The following LRFN5 variants were observed in gnomAD, a reference collection of about 807,000 sequenced individuals.
LRFN5 encodes leucine-rich repeat and fibronectin type-III domain-containing protein 5.
In LRFN5, 24 loss-of-function variants were observed where a neutral mutation model predicts 45.6. The observed-to-expected ratio is 0.53, with a 90% CI of 0.38 to 0.74. The LOEUF (loss-of-function observed/expected upper bound fraction) is 0.74, where lower values mean the gene tolerates loss of function less well. Among genes scored for constraint, LRFN5 ranks in the 30% least tolerant of loss-of-function variants. The pLI, the probability that LRFN5 is intolerant of heterozygous loss-of-function variation, is 0.00. For synonymous variants in LRFN5, 340 were observed against 313.8 expected (o/e 1.08, Z -0.88); for missense variants, 776 against 861.5 (o/e 0.90, Z 1.24).
At chr14:41,626,957 A>C (rs1458617136) in intron 1 of LRFN5, among the ~76,000 whole-genome samples, 1 of 152,144 alleles carries the variant, frequency 6.6e-6, no homozygotes, top group Non-Finnish European at 1.5e-5. Flanking sequence ...TTTATGTCAT[A>C]TTTAACAGAA....
chr14:41,616,264 C>A (rs569333534), intron 1 of LRFN5, among the ~76,000 whole-genome samples: 3 of 152,192 alleles, frequency 2.0e-5, no homozygotes, highest in African/African-American at 7.2e-5. Flanking sequence ...ACAAGAATGA[C>A]TCAAGCCCAT....
intron 1 of LRFN5, among the ~76,000 whole-genome samples, chr14:41,753,408 T>C (rs925160856): frequency 6.6e-6 from 1 of 152,174 alleles, no homozygotes; most frequent in Non-Finnish European, 1.5e-5. Context: ...GCATGGAATG[T>C]TCTTCCATTT....
chr14:41,647,199 T>G (rs1879859102), intron 1 of LRFN5, among the ~76,000 whole-genome samples: 1 of 152,166 alleles, frequency 6.6e-6, no homozygotes, highest in Admixed American at 6.5e-5. Flanking sequence ...TACATAGATT[T>G]TGATTCTGCA....
At chr14:41,724,485 A>C (rs886826603) in intron 1 of LRFN5, among the ~76,000 whole-genome samples, 2 of 152,174 alleles carry the variant, frequency 1.3e-5, no homozygotes, top group Non-Finnish European at 2.9e-5. Context: ...ATATATTCTA[A>C]AATGCTGCAC....
intron 1 of LRFN5, among the ~76,000 whole-genome samples, chr14:41,609,934 C>T (rs115895518): frequency 0.019 from 2,842 of 152,350 alleles, 84 homozygotes; most frequent in African/African-American, 0.064. Flanking sequence ...TGGCCGATAG[C>T]TGCTCTGCTT....
At chr14:41,723,872 T>G (rs563104749) in intron 1 of LRFN5, among the ~76,000 whole-genome samples, 10 of 152,322 alleles carry the variant, frequency 6.6e-5, no homozygotes, top group Admixed American at 1.3e-4. Context: ...AAAGAATGAC[T>G]GACTTTGTAT....
intron 1 of LRFN5, among the ~76,000 whole-genome samples, chr14:41,629,060 C>T (rs114252417): frequency 6.6e-6 from 1 of 152,214 alleles, no homozygotes; most frequent in African/African-American, 2.4e-5. Context: ...ATTTATAGAT[C>T]TATATAGATA....
intron 1 of LRFN5, among the ~76,000 whole-genome samples, chr14:41,652,586 CT>C (rs1880180905): frequency 6.6e-6 from 1 of 151,896 alleles, no homozygotes; most frequent in Non-Finnish European, 1.5e-5. Flanking sequence ...GAGTGACAGG[CT>C]GGTTTCTACT....
chr14:41,828,071 A>G lies in LRFN5; in HGVS notation c.-20-58535A>G, dbSNP rs1888356556. On this transcript the variant is annotated intron_variant, in intron 2 of 5. Transcript: ENST00000298119. Reference sequence around the variant, plus strand: ...AAAAATAAGTATGTATTGTTATATCATGAAACTGAAGTAAGTTAAAGGGAA... The same window carrying G: ...AAAAATAAGTATGTATTGTTATATCGTGAAACTGAAGTAAGTTAAAGGGAA... Among the ~76,000 whole-genome samples the G allele has an allele frequency of 2.0e-5, 3 of 152,052 alleles. No homozygotes were observed. In the South Asian group the frequency reaches 6.2e-4, roughly 31 times the overall value.
At chr14:41,640,094 C>A (rs1000704375) in intron 1 of LRFN5, among the ~76,000 whole-genome samples, 1 of 151,528 alleles carries the variant, frequency 6.6e-6, no homozygotes, top group African/African-American at 2.4e-5. Flanking sequence ...GTCACTATGC[C>A]CAGCCCATAT....
intron 1 of LRFN5, among the ~76,000 whole-genome samples, chr14:41,697,148 CGTT>C (rs1473277209): frequency 1.3e-5 from 2 of 151,764 alleles, no homozygotes; most frequent in Admixed American, 1.3e-4. Context: ...TTATAGACAT[CGTT>C]ATTATTTCTT....
intron 2 of LRFN5, among the ~76,000 whole-genome samples, chr14:41,784,941 T>G (rs1258441744): frequency 6.6e-6 from 1 of 152,124 alleles, no homozygotes; most frequent in Non-Finnish European, 1.5e-5. Context: ...GTAGCCTCTT[T>G]AATTGTTAAA....
chr14:41,712,974 T>C (rs1883347882), intron 1 of LRFN5, among the ~76,000 whole-genome samples: 1 of 152,000 alleles, frequency 6.6e-6, no homozygotes, highest in African/African-American at 2.4e-5. Flanking sequence ...AAGAGAAATA[T>C]AATTTATAAA....
intron 2 of LRFN5, among the ~76,000 whole-genome samples, chr14:41,799,591 T>A (rs1317760720): frequency 6.6e-6 from 1 of 152,056 alleles, no homozygotes; most frequent in Non-Finnish European, 1.5e-5. Context: ...TAGAACTCCT[T>A]TATCAACTTT....
At chr14:41,801,502 T>C (rs181593862) in intron 2 of LRFN5, among the ~76,000 whole-genome samples, 1 of 152,314 alleles carries the variant, frequency 6.6e-6, no homozygotes, top group East Asian at 1.9e-4. Context: ...CTTTAAGTGT[T>C]CTTTTCCAGT....
intron 2 of LRFN5, among the ~76,000 whole-genome samples, chr14:41,822,752 ACC>A (rs1474648010): frequency 6.6e-6 from 1 of 151,546 alleles, no homozygotes; most frequent in East Asian, 1.9e-4. Context: ...GTTGAAGTCC[ACC>A]ACTATTATTG....
At chr14:41,637,967 A>G (rs1241133906) in intron 1 of LRFN5, among the ~76,000 whole-genome samples, 12 of 152,070 alleles carry the variant, frequency 7.9e-5, no homozygotes, top group Non-Finnish European at 1.5e-5. Flanking sequence ...CTTGGATTTA[A>G]TATAAAAACA....
chr14:41,851,119 T>C (rs1178953037), intron 2 of LRFN5, among the ~76,000 whole-genome samples: 2 of 151,780 alleles, frequency 1.3e-5, no homozygotes, highest in East Asian at 3.9e-4. Context: ...AATATTGTAG[T>C]ACACCATATT....
chr14:41,695,641 G>A lies in LRFN5; in HGVS notation c.-196-71213G>A, dbSNP rs551302627. ...TCTGCCTATGCTCTATAAATGGAAC[G>A]ACAAAGCCTGGATTATATCACATTT... On this transcript the variant is annotated intron_variant, in intron 1 of 5. Coordinates refer to ENST00000298119, the MANE Select transcript of LRFN5 (RefSeq NM_152447.5). Among the ~76,000 whole-genome samples, 3 of 151,974 alleles carry A rather than the reference G, an allele frequency of 2.0e-5. No individual in the cohort carries two copies. In the South Asian group the frequency reaches 6.2e-4, roughly 31 times the overall value.
Sources: gnomAD v4.1 joint callset for allele counts (sites outside exome capture counted in the v4.1 genomes callset) on GRCh38, gnomAD v4.1.1 for gene constraint, MANE v1.5 for transcripts, NCBI Gene and HGNC (gene_info 2026-07-23, HGNC 2026-07-21) for gene names.